Variants in SLC1A2 observed in about 807,000 individuals in gnomAD.
The protein encoded by SLC1A2 is solute carrier family 1 member 2.
In SLC1A2, 15 loss-of-function variants were observed where a neutral mutation model predicts 48.8. That is an observed-to-expected ratio of 0.31 (90% CI 0.21 to 0.47). SLC1A2 has a LOEUF of 0.47. Ranked by LOEUF, SLC1A2 falls within the 20% of genes least tolerant of loss-of-function variation. The pLI, the probability that SLC1A2 is intolerant of heterozygous loss-of-function variation, is 0.99. For synonymous variants in SLC1A2, 279 were observed against 272.6 expected (o/e 1.02, Z -0.23); for missense variants, 502 against 730.5 (o/e 0.69, Z 3.61).
chr11:35,316,883 C>A (rs1265633867), intron 2 of SLC1A2: 1 of 153,862 alleles, frequency 6.5e-6, no homozygotes, highest in Non-Finnish European at 1.4e-5. Context: ...CAAACATCTT[C>A]CACACTGACC....
chr11:35,372,155 G>A (rs569789130), intron 1 of SLC1A2, among the ~76,000 whole-genome samples: 19 of 152,338 alleles, frequency 1.2e-4, no homozygotes. Flanking sequence ...GAGGGCAAGG[G>A]AAGGAAGTAT....
intron 1 of SLC1A2, among the ~76,000 whole-genome samples, chr11:35,331,189 A>G (rs776882639): frequency 6.6e-6 from 1 of 151,766 alleles, no homozygotes; most frequent in Non-Finnish European, 1.5e-5. Context: ...TCCCTTCCTC[A>G]CTTCCTCCTG....
intron 9 of SLC1A2, among the ~76,000 whole-genome samples, chr11:35,278,277 T>G (rs1039176551): frequency 6.2e-5 from 9 of 144,352 alleles, no homozygotes; most frequent in South Asian, 2.2e-4. Flanking sequence ...TTTTTTGTTT[T>G]TTTTTTTTTT....
intron 6 of SLC1A2, among the ~76,000 whole-genome samples, chr11:35,300,902 C>T (rs1305374629): frequency 1.3e-5 from 2 of 152,110 alleles, no homozygotes; most frequent in South Asian, 2.1e-4. Context: ...ACCTGTAGTT[C>T]CAGCTACTTG....
At chr11:35,313,929 C>G (rs537471661) in intron 3 of SLC1A2, among the ~76,000 whole-genome samples, 2 of 152,118 alleles carry the variant, frequency 1.3e-5, no homozygotes, top group Non-Finnish European at 2.9e-5. Context: ...CATGAGGTGG[C>G]CAGTCCAGGG....
chr11:35,352,101 G>A (rs956856094), intron 1 of SLC1A2: 4 of 152,104 alleles, frequency 2.6e-5, no homozygotes, highest in African/African-American at 9.7e-5. Context: ...GCATTTTTAT[G>A]ATCAGAAACA....
chr11:35,337,814 T>C (rs533985542), intron 1 of SLC1A2, among the ~76,000 whole-genome samples: 1 of 152,280 alleles, frequency 6.6e-6, no homozygotes, highest in East Asian at 1.9e-4. Flanking sequence ...TCCAGCTCTA[T>C]GAGTATGTGG....
At chr11:35,355,584 C>T (rs540820169) in intron 1 of SLC1A2, among the ~76,000 whole-genome samples, 58 of 152,236 alleles carry the variant, frequency 3.8e-4, no homozygotes, top group African/African-American at 1.3e-3. Flanking sequence ...GTTATAGATC[C>T]AGTCTTAACA....
Position 35,252,584 on chromosome 11 carries a change from A to G in SLC1A2, c.*8310T>C, listed in dbSNP as rs930811534. On this transcript the variant is annotated 3_prime_UTR_variant, in exon 11 of 11. Coordinates refer to ENST00000278379, the MANE Select transcript of SLC1A2 (RefSeq NM_004171.4). ...CTGGACACACACAGACTTTCAAACAATCATCAGTACAAAGGATTCACAGAT... is the reference window on the plus strand; with the variant it reads ...CTGGACACACACAGACTTTCAAACAGTCATCAGTACAAAGGATTCACAGAT... 1.3e-5 allele frequency: 2 copies of G among 152,208 alleles called. No individual in the cohort carries two copies. The highest frequency in any genetic ancestry group is 4.8e-5 in the African/African-American group (2 of 41,456). The allele number at this position is 152,208 out of a possible 1,614,324, so 9.4% of individuals were successfully genotyped here. A position where few individuals can be genotyped will look rare whatever the true frequency, so the allele number is the denominator to read the frequency against.
chr11:35,297,018 A>G (rs1046109618), intron 6 of SLC1A2, among the ~76,000 whole-genome samples: 1 of 152,114 alleles, frequency 6.6e-6, no homozygotes, highest in African/African-American at 2.4e-5. Flanking sequence ...TGCACAGAAT[A>G]GAATATTTAT....
intron 1 of SLC1A2, among the ~76,000 whole-genome samples, chr11:35,337,041 A>G (rs1417025866): frequency 6.6e-6 from 1 of 152,158 alleles, no homozygotes; most frequent in Admixed American, 6.5e-5. Context: ...AAAGTTGGAA[A>G]TAAATTTGGG....
intron 1 of SLC1A2, among the ~76,000 whole-genome samples, chr11:35,359,210 A>T (rs1254546958): frequency 1.3e-5 from 2 of 152,198 alleles, no homozygotes; most frequent in Admixed American, 6.5e-5. Flanking sequence ...CATTTGTGTC[A>T]ATTTCTTCAC....
Position 35,406,622 on chromosome 11 carries a change from G to A in SLC1A2, c.17+12328C>T, listed in dbSNP as rs184066094. Among the ~76,000 whole-genome samples, 520 of 151,332 alleles carry A rather than the reference G, an allele frequency of 3.4e-3. 3 individuals are homozygous for A. The highest frequency in any genetic ancestry group is 6.8e-3 in the Admixed American group (104 of 15,184). Reference sequence around the variant, plus strand: ...TGAGGTAGAAATTAGTAAGCTTGTAGGTTGAGGCTGAAGGAAGAAAAAAAA... The same window carrying A: ...TGAGGTAGAAATTAGTAAGCTTGTAAGTTGAGGCTGAAGGAAGAAAAAAAA... On this transcript the variant is annotated intron_variant, in intron 1 of 10. Coordinates refer to ENST00000278379, the MANE Select transcript of SLC1A2 (RefSeq NM_004171.4).
In SLC1A2 at chr11:35,265,795, C is replaced by A. The variant is rs772752099; in HGVS notation, c.1422-37G>T. On this transcript the variant is annotated intron_variant, in intron 9 of 10. Transcript: ENST00000278379. ...GAACAGAAAAGGTTCAGTGAGGAAG[C>A]AGTATTATGTGGTAGTTGAGAGGTC... 1.2e-5 allele frequency: 16 copies of A among 1,353,016 alleles called. No individual in the cohort carries two copies. In the East Asian group the frequency reaches 2.7e-4, roughly 23 times the overall value. 83.8% of individuals were successfully genotyped at this position (1,353,016 alleles called of 1,614,324 possible).
At chr11:35,300,278 T>C (rs1005702771) in intron 6 of SLC1A2, among the ~76,000 whole-genome samples, 1 of 152,230 alleles carries the variant, frequency 6.6e-6, no homozygotes, top group Non-Finnish European at 1.5e-5. Context: ...AGTTAATTAT[T>C]AGGTTGGTGC....
intron 4 of SLC1A2, among the ~76,000 whole-genome samples, chr11:35,309,443 G>T (rs1055396649): frequency 1.9e-4 from 29 of 152,182 alleles, no homozygotes; most frequent in Non-Finnish European, 1.0e-4. Context: ...AACGTTGTAA[G>T]GTCATATCTT....
intron 8 of SLC1A2, among the ~76,000 whole-genome samples, chr11:35,284,114 T>TATATATATATATATATCTATA (rs1554993927): frequency 7.2e-6 from 1 of 139,706 alleles, no homozygotes; most frequent in Non-Finnish European, 1.6e-5. Context: ...TATATATAAA[T>TATATATATATATATATCTATA]TATTATTTTG....
Position 35,318,691 on chromosome 11 carries a change from G to A in SLC1A2, c.18-1175C>T, listed in dbSNP as rs536211800. Among the ~76,000 whole-genome samples the A allele has an allele frequency of 2.0e-5, 3 of 152,274 alleles. No individual in the cohort carries two copies. The East Asian group carries it at 5.8e-4, about 29-fold the overall frequency. On this transcript the variant is annotated intron_variant, in intron 1 of 10. Transcript: ENST00000278379. ...CTCCAACTCTTGCTAGCTGTGTGGGGTGTAGAAAGAAATGCCTGATGCCTA... is the reference window on the plus strand; with the variant it reads ...CTCCAACTCTTGCTAGCTGTGTGGGATGTAGAAAGAAATGCCTGATGCCTA...
At chr11:35,319,175 C>G (rs973814432) in intron 1 of SLC1A2, among the ~76,000 whole-genome samples, 1 of 152,154 alleles carries the variant, frequency 6.6e-6, no homozygotes, top group South Asian at 2.1e-4. Context: ...TGGGTGAGGG[C>G]CTTTCTGATC....
Sources: allele counts gnomAD v4.1 joint callset (sites outside exome capture counted in the v4.1 genomes callset), GRCh38; gene constraint gnomAD v4.1.1; transcripts MANE v1.5; gene names NCBI Gene and HGNC (gene_info 2026-07-23, HGNC 2026-07-21).